Variants in UNC79 observed in about 807,000 individuals in gnomAD.
UNC79 encodes the protein unc-79 subunit of NALCN channel complex.
Under a neutral mutation model 283.1 loss-of-function variants are expected in UNC79, and 37 were observed. That is an observed-to-expected ratio of 0.13 (90% CI 0.10 to 0.17). UNC79 has a LOEUF of 0.17. Ranked by LOEUF, UNC79 falls within the 10% of genes least tolerant of loss-of-function variation. The pLI, the probability that UNC79 is intolerant of heterozygous loss-of-function variation, is 1.00. For missense variants in UNC79, 2,272 were observed against 3,211.1 expected (o/e 0.71, Z 7.07); for synonymous variants, 1,107 against 1,200.2 (o/e 0.92, Z 1.61).
At position 93,579,975 on chromosome 14, in the gene UNC79, A is replaced by G. The variant is rs550726250; in HGVS notation, c.2434-174A>G. Among the ~76,000 whole-genome samples, 354 of 152,356 alleles carry G rather than the reference A, an allele frequency of 2.3e-3. 3 individuals carry two copies. The highest frequency in any genetic ancestry group is 8.2e-3 in the African/African-American group (339 of 41,574). On this transcript the variant is annotated intron_variant, in intron 18 of 48. Transcript: ENST00000555664. ...TAGAAAAACCCACGGACAGCAATGT[A>G]TATTCATGGTCTTGAAGCCTATATT... is the stretch of plus-strand genomic sequence containing the variant.
chr14:93,467,661 T>A lies in UNC79; in HGVS notation c.23-10T>A. Reference sequence around the variant, plus strand: ...TTTTTTTTTTTTTTTTTTTTTTTGCTTTTATCTAGTTGCTTCCAAGATCCG... The same window carrying A: ...TTTTTTTTTTTTTTTTTTTTTTTGCATTTATCTAGTTGCTTCCAAGATCCG... On this transcript the variant is annotated splice_polypyrimidine_tract_variant and intron_variant, in intron 1 of 48. Coordinates refer to ENST00000555664, the Ensembl canonical transcript of UNC79. 8.3e-7 allele frequency: 1 copy of A among 1,205,896 alleles called. No individual in the cohort carries two copies. Among genetic ancestry groups the A allele is most frequent in the Non-Finnish European group, 1.0e-6 (1 of 968,792 alleles). 74.7% of individuals were successfully genotyped at this position (1,205,896 alleles called of 1,614,324 possible). A position where few individuals can be genotyped will look rare whatever the true frequency, so the allele number is the denominator to read the frequency against.
chr14:93,562,972 G>A (rs151156403), intron 14 of UNC79, among the ~76,000 whole-genome samples: 2 of 152,168 alleles, frequency 1.3e-5, no homozygotes, highest in Non-Finnish European at 2.9e-5. Context: ...TGGAACACTG[G>A]GAAGTGATTT....
chr14:93,450,782 A>G (rs1458152548), intron 1 of UNC79, among the ~76,000 whole-genome samples: 3 of 152,156 alleles, frequency 2.0e-5, no homozygotes, highest in East Asian at 3.9e-4. Flanking sequence ...ATTTTTACTC[A>G]TTGTGGTGGG....
chr14:93,599,736 A>T (rs1227172962), intron 24 of UNC79, among the ~76,000 whole-genome samples: 1 of 152,244 alleles, frequency 6.6e-6, no homozygotes, highest in Non-Finnish European at 1.5e-5. Context: ...TTCTCAATCC[A>T]TTCCAACTTT....
intron 6 of UNC79, 90 bp from the exon 7 acceptor site, chr14:93,497,067 A>G (rs2059047571): frequency 2.1e-6 from 3 of 1,459,116 alleles, no homozygotes; most frequent in Admixed American, 2.2e-5. Flanking sequence ...TCCCTCCATT[A>G]GAATTTTCAC....
intron 2 of UNC79, among the ~76,000 whole-genome samples, chr14:93,469,508 A>G (rs1474058070): frequency 6.6e-5 from 10 of 152,206 alleles, no homozygotes; most frequent in Non-Finnish European, 1.5e-4. Context: ...ACAGCCAGAC[A>G]TGGTGGCTGG....
intron 41 of UNC79, among the ~76,000 whole-genome samples, chr14:93,678,310 C>G (rs751611438): frequency 6.6e-6 from 1 of 152,184 alleles, no homozygotes; most frequent in Non-Finnish European, 1.5e-5. Flanking sequence ...GAAAAACTCC[C>G]TAGGTGATCC....
chr14:93,583,910 G>A (rs1566707672), intron 20 of UNC79, among the ~76,000 whole-genome samples: 1 of 150,782 alleles, frequency 6.6e-6, no homozygotes, highest in Non-Finnish European at 1.5e-5. Context: ...GGCTCAAGCA[G>A]TCCTCCCACC....
chr14:93,558,789 T>C (rs1383691004), intron 14 of UNC79, among the ~76,000 whole-genome samples: 1 of 152,000 alleles, frequency 6.6e-6, no homozygotes, highest in Non-Finnish European at 1.5e-5. Flanking sequence ...CCCTGTTCGC[T>C]GTGCCATAAC....
At chr14:93,472,802 G>A (rs1226233098) in intron 2 of UNC79, among the ~76,000 whole-genome samples, 1 of 152,094 alleles carries the variant, frequency 6.6e-6, no homozygotes, top group Non-Finnish European at 1.5e-5. Flanking sequence ...TAGAGCAACT[G>A]TAAAACAAGG....
intron 1 of UNC79, among the ~76,000 whole-genome samples, chr14:93,360,169 C>A (rs1246127476): frequency 6.6e-6 from 1 of 152,290 alleles, no homozygotes; most frequent in Middle Eastern, 3.4e-3. Flanking sequence ...TACTTAGCAG[C>A]TTGCAGAACC....
Position 93,430,657 on chromosome 14 carries a change from T to TA in UNC79, c.-372dup, listed in dbSNP as rs1277625531. 1 of 184,670 alleles carries TA rather than the reference T, an allele frequency of 5.4e-6. No homozygotes were observed. The highest frequency in any genetic ancestry group is 1.2e-5 in the Non-Finnish European group (1 of 86,742). The allele number at this position is 184,670 out of a possible 1,614,324, so 11.4% of individuals were successfully genotyped here. A position where few individuals can be genotyped will look rare whatever the true frequency, so the allele number is the denominator to read the frequency against. On this transcript the variant is annotated 5_prime_UTR_variant, in exon 1 of 49. Transcript: ENST00000555664. The surrounding 1 kb of genome is among the most constrained non-coding windows in gnomAD (Gnocchi z 4.6). ...AAACACCCGTCCCCTCCGTGCGCCT[T>TA]ATGAATGGAAATACTCCTCCCCCGG...
chr14:93,594,065 C>A (rs1449629389), intron 23 of UNC79, among the ~76,000 whole-genome samples: 3 of 152,048 alleles, frequency 2.0e-5, no homozygotes, highest in African/African-American at 7.2e-5. Flanking sequence ...TAGGACAGAC[C>A]CAGCTTATGC....
At chr14:93,613,123 C>T (rs773247306) in intron 27 of UNC79, 40 bp downstream of exon 28, 5 of 1,606,750 alleles carry the variant, frequency 3.1e-6, no homozygotes, top group Middle Eastern at 1.7e-4. Flanking sequence ...CACCTTTATA[C>T]TTTTAGTAGA....
intron 26 of UNC79, among the ~76,000 whole-genome samples, chr14:93,607,658 T>A (rs1185916198): frequency 2.0e-5 from 3 of 152,158 alleles, no homozygotes; most frequent in Admixed American, 6.5e-5. Context: ...GGACCCCAGA[T>A]TGGTCCAGAG....
intron 1 of UNC79, among the ~76,000 whole-genome samples, chr14:93,379,231 G>C (rs2054617600): frequency 6.6e-6 from 1 of 151,928 alleles, no homozygotes; most frequent in Non-Finnish European, 1.5e-5. Context: ...TCTTTTACTT[G>C]AACTACAGAG....
intron 1 of UNC79, among the ~76,000 whole-genome samples, chr14:93,355,723 A>G (rs1164860901): frequency 6.6e-6 from 1 of 152,180 alleles, no homozygotes; most frequent in Non-Finnish European, 1.5e-5. Context: ...ACAACTCTTA[A>G]CTGTCTTCCT....
intron 43 of UNC79, 125 bp downstream of exon 46, chr14:93,686,786 C>G: frequency 9.6e-7 from 1 of 1,038,238 alleles, no homozygotes; most frequent in South Asian, 1.5e-5. Context: ...TGAATGAGCC[C>G]CTGTCTTGGG....
chr14:93,432,083 TAC>T (rs2055903372), intron 1 of UNC79, among the ~76,000 whole-genome samples: 1 of 152,252 alleles, frequency 6.6e-6, no homozygotes, highest in Non-Finnish European at 1.5e-5. Context: ...ATGCTGTCAC[TAC>T]TTAAAAGTCT....
Sources: gnomAD v4.1 joint callset for allele counts (sites outside exome capture counted in the v4.1 genomes callset) on GRCh38, gnomAD v4.1.1 for gene constraint, Gnocchi (gnomAD v3.1) non-coding constraint, MANE v1.5 for transcripts, NCBI Gene and HGNC (gene_info 2026-07-23, HGNC 2026-07-21) for gene names.